DPP10: variants seen among roughly 807,000 people sequenced by gnomAD.
The protein encoded by DPP10 is inactive dipeptidyl peptidase 10.
DPP10 carries 33 observed loss-of-function variants against 120.9 expected under a neutral mutation model. The observed-to-expected ratio is 0.27, with a 90% CI of 0.21 to 0.37. The LOEUF (loss-of-function observed/expected upper bound fraction) is 0.37. Among genes scored for constraint, DPP10 ranks in the 10% least tolerant of loss-of-function variants. The pLI is 1.00. For synonymous variants in DPP10, 337 were observed against 326.1 expected, an observed-to-expected ratio of 1.03 and a Z score of -0.36; for missense variants, 816 against 942.8, an observed-to-expected ratio of 0.87 and a Z score of 1.76.
At chr2:114,920,892 C>A (rs1460720497) in intron 1 of DPP10, among the ~76,000 whole-genome samples, 1 of 152,048 alleles carries the variant, frequency 6.6e-6, no homozygotes, top group Non-Finnish European at 1.5e-5. Context: ...ATACAGGTAA[C>A]CATGGTGACA....
intron 1 of DPP10, among the ~76,000 whole-genome samples, chr2:114,680,709 G>A (rs1698971869): frequency 1.3e-5 from 2 of 151,862 alleles, no homozygotes; most frequent in Admixed American, 1.3e-4. Flanking sequence ...ATTGACTTTT[G>A]AAAATAAGTT....
chr2:115,684,313 G>T (rs1026402047), intron 5 of DPP10, among the ~76,000 whole-genome samples: 1 of 151,730 alleles, frequency 6.6e-6, no homozygotes, highest in African/African-American at 2.4e-5. Context: ...GAGCTAGTTA[G>T]TTCGTAACTG....
chr2:115,673,365 A>G (rs373599254), intron 5 of DPP10, among the ~76,000 whole-genome samples: 1 of 152,234 alleles, frequency 6.6e-6, no homozygotes, highest in African/African-American at 2.4e-5. Context: ...AAGGAATAAC[A>G]TAGGCTAAAA....
chr2:114,923,408 T>A (rs1311790159), intron 1 of DPP10, among the ~76,000 whole-genome samples: 1 of 150,758 alleles, frequency 6.6e-6, no homozygotes, highest in East Asian at 1.9e-4. Flanking sequence ...GGTCTCTATC[T>A]CCTGCCTCAA....
chr2:114,721,696 C>CA (rs1487776961), intron 1 of DPP10, among the ~76,000 whole-genome samples: 1 of 152,196 alleles, frequency 6.6e-6, no homozygotes, highest in African/African-American at 2.4e-5. Context: ...ATAATGTACA[C>CA]ATATGGTCTT....
At chr2:115,410,172 C>T (rs547222150) in intron 3 of DPP10, among the ~76,000 whole-genome samples, 33 of 152,262 alleles carry the variant, frequency 2.2e-4, no homozygotes, top group East Asian at 1.4e-3. Context: ...TATAAAGATA[C>T]GTGCATGCAT....
intron 5 of DPP10, among the ~76,000 whole-genome samples, chr2:115,623,451 T>C (rs1257495596): frequency 2.6e-5 from 4 of 152,208 alleles, no homozygotes; most frequent in African/African-American, 7.2e-5. Context: ...ATATTTCAAT[T>C]TATCAATTTA....
chr2:115,261,712 T>A (rs932188745), intron 1 of DPP10, among the ~76,000 whole-genome samples: 1 of 152,206 alleles, frequency 6.6e-6, no homozygotes, highest in Non-Finnish European at 1.5e-5. Context: ...TACTATGAAG[T>A]TTTTCTCATC....
chr2:115,668,207 G>T (rs2149433029), intron 5 of DPP10, among the ~76,000 whole-genome samples: 1 of 152,130 alleles, frequency 6.6e-6, no homozygotes, highest in Admixed American at 6.6e-5. Context: ...GGTGCTGAGT[G>T]CTATGGTTTG....
intron 5 of DPP10, among the ~76,000 whole-genome samples, chr2:115,675,562 G>T (rs2149454792): frequency 6.6e-6 from 1 of 152,256 alleles, no homozygotes; most frequent in East Asian, 1.9e-4. Context: ...AAAGAATCTG[G>T]CCAAGATTGG....
intron 1 of DPP10, among the ~76,000 whole-genome samples, chr2:114,840,368 C>T (rs372837035): frequency 2.0e-5 from 3 of 152,038 alleles, no homozygotes; most frequent in South Asian, 2.1e-4. Context: ...AGGGGCATTC[C>T]GTTTGGCCTG....
chr2:114,522,080 C>T (rs1335605101), intron 1 of DPP10, among the ~76,000 whole-genome samples: 5 of 145,240 alleles, frequency 3.4e-5, no homozygotes, highest in Admixed American at 2.1e-4. Flanking sequence ...CCCGGGTTCA[C>T]GCCATTCTCC....
chr2:115,791,822 G>A (rs1684022319), intron 19 of DPP10, among the ~76,000 whole-genome samples: 1 of 151,926 alleles, frequency 6.6e-6, no homozygotes, highest in Non-Finnish European at 1.5e-5. Context: ...AATTGACTTT[G>A]AAGTTAAATA....
At chr2:114,526,529 A>C (rs546490588) in intron 1 of DPP10, among the ~76,000 whole-genome samples, 48 of 152,308 alleles carry the variant, frequency 3.2e-4, no homozygotes, top group African/African-American at 1.2e-3. Context: ...TAGGTCACTG[A>C]GGCAGTTATA....
chr2:115,256,990 A>C (rs1456305889), intron 1 of DPP10, among the ~76,000 whole-genome samples: 1 of 152,200 alleles, frequency 6.6e-6, no homozygotes, highest in Non-Finnish European at 1.5e-5. Context: ...AATGCAGCCA[A>C]GTTATTCACT....
chr2:114,785,496 GA>G (rs1387617974), intron 1 of DPP10, among the ~76,000 whole-genome samples: 2 of 152,162 alleles, frequency 1.3e-5, no homozygotes, highest in Non-Finnish European at 2.9e-5. Flanking sequence ...TCCTGAGAAT[GA>G]AAAGTTAGAT....
chr2:115,786,044 A>T (rs1357645176), intron 17 of DPP10, among the ~76,000 whole-genome samples: 1 of 152,112 alleles, frequency 6.6e-6, no homozygotes, highest in Non-Finnish European at 1.5e-5. Context: ...AGTCTTCCAG[A>T]TATATATAAT....
At chr2:114,840,092 A>C (rs1688043048) in intron 1 of DPP10, among the ~76,000 whole-genome samples, 1 of 152,188 alleles carries the variant, frequency 6.6e-6, no homozygotes, top group African/African-American at 2.4e-5. Flanking sequence ...AAGCCTGTGA[A>C]ACAGCAAACA....
intron 1 of DPP10, among the ~76,000 whole-genome samples, chr2:114,819,492 T>G (rs184938592): frequency 1.3e-5 from 2 of 152,294 alleles, no homozygotes; most frequent in African/African-American, 4.8e-5. Context: ...TAAAATTGAT[T>G]GAGTTGAAAA....
Sources: gnomAD v4.1 joint callset for allele counts (sites outside exome capture counted in the v4.1 genomes callset) on GRCh38, gnomAD v4.1.1 for gene constraint, MANE v1.5 for transcripts, NCBI Gene and HGNC (gene_info 2026-07-23, HGNC 2026-07-21) for gene names.